CAMTA1: variants seen among roughly 807,000 people sequenced by gnomAD.
CAMTA1 encodes the protein calmodulin binding transcription activator 1, also known as calmodulin-binding transcription activator 1.
A neutral mutation model predicts 170.9 loss-of-function variants in CAMTA1; 27 were observed. The observed-to-expected ratio is 0.16, with a 90% CI of 0.12 to 0.22. CAMTA1 has a LOEUF of 0.22. Among genes scored for constraint, CAMTA1 ranks in the 10% least tolerant of loss-of-function variants. The pLI is 1.00. For synonymous variants in CAMTA1, 833 were observed against 891.5 expected (o/e 0.93, Z 1.17); for missense variants, 1,619 against 2,217.2 (o/e 0.73, Z 5.42).
At chr1:7,174,772 G>T (rs552188459) in intron 4 of CAMTA1, among the ~76,000 whole-genome samples, 4 of 152,312 alleles carry the variant, frequency 2.6e-5, no homozygotes, top group Admixed American at 6.5e-5. Context: ...CTGCTTCTAG[G>T]GAGGCAGGAG....
At position 7,091,466 on chromosome 1, in the gene CAMTA1, G is replaced by A. The variant is rs182323785; in HGVS notation, c.302+95G>A. On this transcript the variant is annotated intron_variant, in intron 4 of 22. Transcript: ENST00000303635. ...TTTGGCCAGTGAATTCATGGGCAACGAGTTGAAAATGCCATGTTGTGCTGG... is the reference window on the plus strand; with the variant it reads ...TTTGGCCAGTGAATTCATGGGCAACAAGTTGAAAATGCCATGTTGTGCTGG... The A allele has an allele frequency of 1.2e-4, 111 of 937,848 alleles. No individual in the cohort carries two copies. The Admixed American group carries it at 1.9e-3, about 16-fold the overall frequency. The allele number at this position is 937,848 out of a possible 1,614,324, so 58.1% of individuals were successfully genotyped here.
chr1:6,922,439 A>G (rs1348868287), intron 3 of CAMTA1, among the ~76,000 whole-genome samples: 1 of 152,148 alleles, frequency 6.6e-6, no homozygotes, highest in African/African-American at 2.4e-5. Flanking sequence ...GCAGTCAGAT[A>G]GTGGCTGGGC....
intron 4 of CAMTA1, among the ~76,000 whole-genome samples, chr1:7,150,470 A>G (rs1367658395): frequency 6.6e-6 from 1 of 152,120 alleles, no homozygotes; most frequent in African/African-American, 2.4e-5. Context: ...AGGCCTCTCC[A>G]TGCAGGTGTT....
chr1:7,593,506 TTGA>T (rs1402837370), intron 6 of CAMTA1, among the ~76,000 whole-genome samples: 3 of 150,790 alleles, frequency 2.0e-5, no homozygotes, highest in Non-Finnish European at 4.4e-5. Flanking sequence ...TTTTTTTTTT[TTGA>T]GACAGAGTCC....
intron 6 of CAMTA1, among the ~76,000 whole-genome samples, chr1:7,506,853 CAG>C (rs901243152): frequency 7.2e-5 from 11 of 152,126 alleles, no homozygotes; most frequent in African/African-American, 1.7e-4. Flanking sequence ...AAAAATCACA[CAG>C]AATTCACACT....
In CAMTA1 at chr1:7,100,461, C is replaced by T. The variant is rs1231143278; in HGVS notation, c.302+9090C>T. Among the ~76,000 whole-genome samples, 6 of 152,322 alleles carry T rather than the reference C, an allele frequency of 3.9e-5. No individual in the cohort carries two copies. The East Asian group carries it at 1.2e-3, about 29-fold the overall frequency. Reference sequence around the variant, plus strand: ...TCTCATTCTTCCTCTCTCTCCTCTTCGTTTCCTGCTCACTCTCAAGTTAAC... The same window carrying T: ...TCTCATTCTTCCTCTCTCTCCTCTTTGTTTCCTGCTCACTCTCAAGTTAAC... On this transcript the variant is annotated intron_variant, in intron 4 of 22. Coordinates refer to ENST00000303635, the MANE Select transcript of CAMTA1 (RefSeq NM_015215.4).
chr1:7,062,786 G>A (rs11120828), intron 3 of CAMTA1, among the ~76,000 whole-genome samples: 5,289 of 152,296 alleles, frequency 0.035, 153 homozygotes, highest in African/African-American at 0.079. Flanking sequence ...GGCTTCCGCT[G>A]GGGCTCCAGG....
At chr1:7,720,811 G>A (rs879137711) in intron 11 of CAMTA1, among the ~76,000 whole-genome samples, 25 of 152,306 alleles carry the variant, frequency 1.6e-4, no homozygotes, top group Middle Eastern at 3.4e-3. Context: ...CTGTAGCTGC[G>A]TGGTTTCCTT....
intron 3 of CAMTA1, among the ~76,000 whole-genome samples, chr1:7,080,091 A>T (rs1384409869): frequency 1.3e-5 from 2 of 152,176 alleles, no homozygotes; most frequent in Non-Finnish European, 2.9e-5. Context: ...CATGATGCTG[A>T]TTGAAAATAG....
At chr1:7,038,800 G>A (rs1387618077) in intron 3 of CAMTA1, among the ~76,000 whole-genome samples, 1 of 152,228 alleles carries the variant, frequency 6.6e-6, no homozygotes, top group Non-Finnish European at 1.5e-5. Context: ...AGCACTTTGG[G>A]AGGCCGAGGT....
intron 6 of CAMTA1, among the ~76,000 whole-genome samples, chr1:7,618,495 A>C (rs1004657576): frequency 6.6e-4 from 100 of 152,240 alleles, no homozygotes; most frequent in African/African-American, 2.4e-3. Flanking sequence ...CCTCTGCCCC[A>C]AAGACTGACT....
intron 3 of CAMTA1, among the ~76,000 whole-genome samples, chr1:6,832,740 C>G (rs1650942553): frequency 1.3e-5 from 2 of 151,996 alleles, no homozygotes; most frequent in Admixed American, 1.3e-4. Context: ...TTTGAACGGT[C>G]CCAGATTATT....
At chr1:6,942,699 T>C (rs1163085472) in intron 3 of CAMTA1, among the ~76,000 whole-genome samples, 1 of 152,152 alleles carries the variant, frequency 6.6e-6, no homozygotes, top group African/African-American at 2.4e-5. Flanking sequence ...CCATGGGCTC[T>C]TTGTGCCACA....
intron 3 of CAMTA1, among the ~76,000 whole-genome samples, chr1:6,972,578 A>G (rs1027341052): frequency 1.2e-4 from 19 of 152,038 alleles, no homozygotes; most frequent in African/African-American, 4.6e-4. Flanking sequence ...CGGTGAGCTT[A>G]TGTTCCAGGA....
intron 10 of CAMTA1, among the ~76,000 whole-genome samples, chr1:7,672,763 G>A (rs1576749583): frequency 1.3e-5 from 2 of 152,166 alleles, no homozygotes; most frequent in Non-Finnish European, 2.9e-5. Flanking sequence ...GAAAACCCCT[G>A]CTCCACAGCT....
rs766608514 is a variant in CAMTA1, at chr1:7,732,609, G to A, written c.3066+10G>A. ...AGGGAGCCAGGCACAGGTACGAGGC[G>A]GTGCTGATGCTCAGCTCCCATTTCG... On this transcript the variant is annotated intron_variant, in intron 12 of 22. Coordinates refer to ENST00000303635, the MANE Select transcript of CAMTA1 (RefSeq NM_015215.4). This position sits in a 1 kb window ranked among gnomAD's most constrained non-coding sequence, Gnocchi z 4.1. 1.9e-5 allele frequency: 30 copies of A among 1,583,012 alleles called. No homozygotes were observed. Among genetic ancestry groups the A allele is most frequent in the Admixed American group, 1.6e-4 (9 of 55,098 alleles).
chr1:7,229,424 G>A (rs961220123), intron 4 of CAMTA1, among the ~76,000 whole-genome samples: 4 of 132,258 alleles, frequency 3.0e-5, no homozygotes, highest in Non-Finnish European at 6.5e-5. Context: ...CAGGTGAGAG[G>A]AGGGGAGGGG....
intron 3 of CAMTA1, among the ~76,000 whole-genome samples, chr1:7,015,164 C>T (rs1700350220): frequency 6.6e-6 from 1 of 152,156 alleles, no homozygotes; most frequent in African/African-American, 2.4e-5. Flanking sequence ...GTTCTTCTCA[C>T]CTGCTGTCCT....
chr1:7,071,577 C>G (rs1037494559), intron 3 of CAMTA1, among the ~76,000 whole-genome samples: 5 of 152,090 alleles, frequency 3.3e-5, no homozygotes, highest in African/African-American at 1.2e-4. Flanking sequence ...AATATTGCTC[C>G]TTCATTAATG....
Sources: allele counts gnomAD v4.1 joint callset (sites outside exome capture counted in the v4.1 genomes callset), GRCh38; gene constraint gnomAD v4.1.1; non-coding constraint Gnocchi (gnomAD v3.1); transcripts MANE v1.5; gene names NCBI Gene and HGNC (gene_info 2026-07-23, HGNC 2026-07-21).